Variants in TBC1D22A observed in about 807,000 individuals in gnomAD.
The protein encoded by TBC1D22A is TBC1 domain family member 22A, also known as putative GTPase activator.
In TBC1D22A, 38 loss-of-function variants were observed where a neutral mutation model predicts 60.2. The observed-to-expected ratio is 0.63, with a 90% CI of 0.49 to 0.83. The LOEUF is 0.83. Ranked by LOEUF, TBC1D22A falls within the 40% of genes least tolerant of loss-of-function variation. The pLI, the probability that TBC1D22A is intolerant of heterozygous loss-of-function variation, is 0.00. For missense variants in TBC1D22A, 628 were observed against 701.0 expected (o/e 0.90, Z 1.18); for synonymous variants, 302 against 281.7 (o/e 1.07, Z -0.72).
At chr22:46,831,080 G>A (rs945345098) in intron 4 of TBC1D22A, among the ~76,000 whole-genome samples, 2 of 152,158 alleles carry the variant, frequency 1.3e-5, no homozygotes, top group East Asian at 1.9e-4. Flanking sequence ...TGGGCAGGCC[G>A]AAGGCATTTG....
intron 4 of TBC1D22A, among the ~76,000 whole-genome samples, chr22:46,800,640 G>A (rs1462980776): frequency 6.6e-6 from 1 of 152,166 alleles, no homozygotes; most frequent in Non-Finnish European, 1.5e-5. Context: ...TGATGAAAGC[G>A]GTGCTCATTT....
chr22:46,775,201 G>A (rs1182752560), intron 1 of TBC1D22A, among the ~76,000 whole-genome samples: 1 of 152,168 alleles, frequency 6.6e-6, no homozygotes, highest in African/African-American at 2.4e-5. Context: ...CTTAGGGGTG[G>A]CAGCTCCTCC....
intron 11 of TBC1D22A, among the ~76,000 whole-genome samples, chr22:47,069,860 A>C (rs796274430): frequency 9.8e-6 from 1 of 101,540 alleles, no homozygotes; most frequent in Non-Finnish European, 2.0e-5. Context: ...TGACGGTTCC[A>C]GGCTGTTCCC....
chr22:47,125,801 G>C (rs1055656939), intron 12 of TBC1D22A, among the ~76,000 whole-genome samples: 1 of 152,170 alleles, frequency 6.6e-6, no homozygotes, highest in African/African-American at 2.4e-5. Context: ...AGAGGGACCC[G>C]CATGCGGCAG....
chr22:46,897,217 G>A (rs750719740), intron 7 of TBC1D22A, among the ~76,000 whole-genome samples: 1 of 152,104 alleles, frequency 6.6e-6, no homozygotes, highest in African/African-American at 2.4e-5. Context: ...TCCACAGGTC[G>A]GGAGTGGACC....
intron 11 of TBC1D22A, among the ~76,000 whole-genome samples, chr22:47,046,049 G>T (rs1334316760): frequency 6.6e-6 from 1 of 152,162 alleles, no homozygotes; most frequent in Non-Finnish European, 1.5e-5. Context: ...TGGTGATGGG[G>T]AGACAGGTCC....
At chr22:47,036,745 C>T (rs73888817) in intron 10 of TBC1D22A, among the ~76,000 whole-genome samples, 2,312 of 152,298 alleles carry the variant, frequency 0.015, 52 homozygotes, top group African/African-American at 0.052. Context: ...GGGGAAAGAG[C>T]GCCTATCTGT....
intron 11 of TBC1D22A, among the ~76,000 whole-genome samples, chr22:47,102,305 T>A (rs1373588322): frequency 6.6e-6 from 1 of 152,172 alleles, no homozygotes; most frequent in East Asian, 1.9e-4. Context: ...AGTCAGCCAG[T>A]GCTCATCCCA....
chr22:46,765,880 CGG>C (rs1325394395), intron 1 of TBC1D22A, among the ~76,000 whole-genome samples: 1 of 151,074 alleles, frequency 6.6e-6, no homozygotes, highest in Non-Finnish European at 1.5e-5. Context: ...TCCTGGGTCC[CGG>C]TTGAAGCAGT....
At chr22:47,122,195 G>A (rs2066295524) in intron 12 of TBC1D22A, among the ~76,000 whole-genome samples, 1 of 152,230 alleles carries the variant, frequency 6.6e-6, no homozygotes, top group South Asian at 2.1e-4. Flanking sequence ...GCTGTGGGAA[G>A]AGAGAGGTGG....
At position 47,051,036 on chromosome 22, in the gene TBC1D22A, C is replaced by T. The variant is rs539317234; in HGVS notation, c.1329+13838C>T. On this transcript the variant is annotated intron_variant, in intron 11 of 12. Coordinates refer to ENST00000337137, the MANE Select transcript of TBC1D22A (RefSeq NM_014346.5). ...TGCTAAGGAGACCCTGTCTGGGCGG[C>T]GGCTCTGGGGCTTCCCCAGGGGGCT... Among the ~76,000 whole-genome samples, 24 of 152,300 alleles carry T rather than the reference C, an allele frequency of 1.6e-4. 1 individual carries two copies. The South Asian group carries it at 4.3e-3, about 28-fold the overall frequency.
At chr22:47,111,367 A>G in intron 11 of TBC1D22A, 141 bp from the exon 12 acceptor site, 2 of 665,846 alleles carry the variant, frequency 3.0e-6, no homozygotes, top group Non-Finnish European at 5.1e-6. Flanking sequence ...AAATTAAGGC[A>G]TTAAGTAAAA....
Position 46,879,173 on chromosome 22 carries a change from G to C in TBC1D22A, c.708+450G>C, listed in dbSNP as rs573728640. On this transcript the variant is annotated intron_variant, in intron 5 of 12. Transcript: ENST00000337137. Reference sequence around the variant, plus strand: ...CGCTGTTAGGAAAAGAGAAGAAATGGATGAGACAAGTGGTTTGTGTTTCTG... The same window carrying C: ...CGCTGTTAGGAAAAGAGAAGAAATGCATGAGACAAGTGGTTTGTGTTTCTG... Among the ~76,000 whole-genome samples, 3 of 150,890 alleles carry C rather than the reference G, an allele frequency of 2.0e-5. No individual in the cohort carries two copies. The South Asian group carries it at 6.3e-4, about 32-fold the overall frequency.
chr22:46,804,901 C>G (rs1051751576), intron 4 of TBC1D22A, among the ~76,000 whole-genome samples: 1 of 151,780 alleles, frequency 6.6e-6, no homozygotes, highest in Non-Finnish European at 1.5e-5. Flanking sequence ...TCTTTTTTTT[C>G]TTATAATTTC....
intron 4 of TBC1D22A, among the ~76,000 whole-genome samples, chr22:46,843,270 C>G (rs1569118810): frequency 6.6e-6 from 1 of 152,108 alleles, no homozygotes; most frequent in Non-Finnish European, 1.5e-5. Flanking sequence ...CAAACCACCA[C>G]CTGCACAGAG....
chr22:47,095,681 C>T (rs1362844982), intron 11 of TBC1D22A, among the ~76,000 whole-genome samples: 2 of 152,260 alleles, frequency 1.3e-5, no homozygotes, highest in African/African-American at 4.8e-5. Context: ...GCTGTCCATC[C>T]CTTTGAGCTT....
chr22:46,951,553 G>T (rs998866737), intron 8 of TBC1D22A, among the ~76,000 whole-genome samples: 1 of 152,228 alleles, frequency 6.6e-6, no homozygotes. Context: ...TTTCACGCCA[G>T]TTAGGGGCTG....
chr22:47,056,506 C>T (rs2063398184), intron 11 of TBC1D22A, among the ~76,000 whole-genome samples: 1 of 152,132 alleles, frequency 6.6e-6, no homozygotes. Flanking sequence ...TGCCGTTTGT[C>T]TTGTGCCCCG....
intron 5 of TBC1D22A, 139 bp downstream of exon 5, chr22:46,878,862 C>A: frequency 1.6e-6 from 1 of 633,000 alleles, no homozygotes; most frequent in Non-Finnish European, 2.7e-6. Flanking sequence ...TTTGCTATGG[C>A]TAAGCTGACA....
Sources: gnomAD v4.1 joint callset for allele counts (sites outside exome capture counted in the v4.1 genomes callset) on GRCh38, gnomAD v4.1.1 for gene constraint, MANE v1.5 for transcripts, NCBI Gene and HGNC (gene_info 2026-07-23, HGNC 2026-07-21) for gene names.